Variants in CSPG4 observed in about 807,000 individuals in gnomAD.
CSPG4 encodes the protein chondroitin sulfate proteoglycan 4.
Under a neutral mutation model 139.3 loss-of-function variants are expected in CSPG4, and 74 were observed. That is an observed-to-expected ratio of 0.53 (90% CI 0.44 to 0.64). The LOEUF is 0.64. Among genes scored for constraint, CSPG4 ranks in the 30% least tolerant of loss-of-function variants. The pLI, the probability that CSPG4 is intolerant of heterozygous loss-of-function variation, is 0.00. For missense variants in CSPG4, 2,565 were observed against 3,148.3 expected, an observed-to-expected ratio of 0.81 and a Z score of 4.43; for synonymous variants, 1,234 against 1,394.2, an observed-to-expected ratio of 0.89 and a Z score of 2.56.
chr15:75,682,069 C>T (rs1893981124), intron 8 of CSPG4, among the ~76,000 whole-genome samples: 1 of 152,250 alleles, frequency 6.6e-6, no homozygotes, highest in Non-Finnish European at 1.5e-5. Flanking sequence ...GCCCTGTATC[C>T]CCGACTTTCT....
Position 75,682,921 on chromosome 15 carries a change from G to A in CSPG4, c.4570C>T (p.Arg1524Trp), listed in dbSNP as rs772158757. Reference protein sequence around the residue: ...EQPSNGRVVLRGAPGTEVRSF... With the variant: ...EQPSNGRVVLWGAPGTEVRSF... The stretch of plus-strand genomic sequence containing the variant: ...CGCACCTCAGTGCCCGGCGCCCCCC[G>A]CAGCACTACCCGCCCGTTGCTGGGC... Residue 1524 changes from arginine (R) to tryptophan (W), a missense_variant, in exon 6 of 10, where the codon CGG (arginine) becomes TGG (tryptophan). By Grantham distance (101) the Arg-to-Trp change is moderately radical. Coordinates refer to ENST00000308508, the MANE Select transcript of CSPG4 (RefSeq NM_001897.5). 8.7e-6 allele frequency: 14 copies of A among 1,610,934 alleles called. No individual in the cohort carries two copies. The highest frequency in any genetic ancestry group is 2.0e-4 in the Middle Eastern group (1 of 5,092).
chr15:75,704,194 C>G (rs1259316566), intron 1 of CSPG4, among the ~76,000 whole-genome samples: 1 of 150,048 alleles, frequency 6.7e-6, no homozygotes, highest in Non-Finnish European at 1.5e-5. Flanking sequence ...GTCCTGTTCC[C>G]AAGAGGCTCA....
At chr15:75,710,689 G>A (rs547389786) in intron 1 of CSPG4, among the ~76,000 whole-genome samples, 10 of 152,278 alleles carry the variant, frequency 6.6e-5, no homozygotes, top group East Asian at 3.9e-4. Flanking sequence ...ACGGGAGGAC[G>A]AGGGCCTTTG....
In CSPG4 at chr15:75,693,152, G is replaced by A. The variant is rs373154799; in HGVS notation, c.170C>T (p.Thr57Met). Residue 57 changes from threonine (T) to methionine (M), a missense_variant, in exon 2 of 10, where the codon ACG (threonine) becomes ATG (methionine). Around this residue, in one of 5 missense-constraint regions of CSPG4, gnomAD observed 30 missense variants for 60.1 expected, o/e 0.50. Coordinates refer to ENST00000308508, the MANE Select transcript of CSPG4 (RefSeq NM_001897.5). ...TDIDLQLQFSTSQPEALLLLA... is the reference protein window; with the variant it reads ...TDIDLQLQFSMSQPEALLLLA... The stretch of plus-strand genomic sequence containing the variant: ...GAGAAGGAGGGCTTCGGGCTGGGAC[G>A]TGGAGAACTGCAGCTGCAGGTCTAT... The A allele has an allele frequency of 8.7e-6, 14 of 1,603,690 alleles. No homozygotes were observed. The highest frequency in any genetic ancestry group is 8.0e-5 in the African/African-American group (6 of 74,810).
rs1894251814 is a variant in CSPG4, at chr15:75,698,177, T to C, written c.89-4944A>G. 6.6e-6 allele frequency among the ~76,000 whole-genome samples: 1 copy of C among 152,096 alleles called. No individual in the cohort carries two copies. Among genetic ancestry groups the C allele is most frequent in the Admixed American group, 6.5e-5 (1 of 15,288 alleles). ...CTTCTCCATCACCGCCCCTCGGGGT[T>C]TGGCACCACGGCGGGAGATCCTGGC... is the stretch of plus-strand genomic sequence containing the variant. On this transcript the variant is annotated intron_variant, in intron 1 of 9. Coordinates refer to ENST00000308508, the MANE Select transcript of CSPG4 (RefSeq NM_001897.5). This position sits in a 1 kb window ranked among gnomAD's most constrained non-coding sequence, Gnocchi z 4.3.
At chr15:75,706,096 G>A (rs1215211198) in intron 1 of CSPG4, among the ~76,000 whole-genome samples, 1 of 152,252 alleles carries the variant, frequency 6.6e-6, no homozygotes, top group Non-Finnish European at 1.5e-5. Context: ...GCACAGGGAA[G>A]GGGCAGGGAG....
At position 75,674,654 on chromosome 15, in the gene CSPG4, C is replaced by A; in HGVS notation, c.*896G>T. On this transcript the variant is annotated 3_prime_UTR_variant, in exon 10 of 10. Coordinates refer to ENST00000308508, the MANE Select transcript of CSPG4 (RefSeq NM_001897.5). ...GCCTCCAAAGCACTGTTTATCCAGG[C>A]TCCATGGAACCAAGTGCCCCCAGCT... 2.0e-5 allele frequency: 8 copies of A among 399,020 alleles called. No individual in the cohort carries two copies. 24.7% of individuals were successfully genotyped at this position (399,020 alleles called of 1,614,324 possible). A position where few individuals can be genotyped will look rare whatever the true frequency, so the allele number is the denominator to read the frequency against.
At chr15:75,712,605 C>A in intron 1 of CSPG4, 63 bp downstream of exon 1, 1 of 1,473,462 alleles carries the variant, frequency 6.8e-7, no homozygotes, top group Admixed American at 2.0e-5. Context: ...TGTCCCTTTT[C>A]CCTCCCGGAG....
chr15:75,685,484 A>C lies in CSPG4; in HGVS notation c.4007T>G (p.Val1336Gly). 1.2e-6 allele frequency: 2 copies of C among 1,611,900 alleles called. No homozygotes were observed. Among genetic ancestry groups the C allele is most frequent in the Non-Finnish European group, 1.7e-6 (2 of 1,179,832 alleles). Residue 1336 changes from valine to glycine, a missense_variant, in exon 4 of 10, where the codon GTG becomes GGG. Transcript: ENST00000308508. Reference protein sequence around the residue: ...EAWSDAFSLDVASGLGAPLEG... With the variant: ...EAWSDAFSLDGASGLGAPLEG... Reference sequence around the variant, plus strand: ...GAGGGGAGCACCCAGGCCTGAGGCCACATCCAGCGAGAAGGCATCGCTCCA... The same window carrying C: ...GAGGGGAGCACCCAGGCCTGAGGCCCCATCCAGCGAGAAGGCATCGCTCCA...
At chr15:75,702,226 T>G (rs1894313260) in intron 1 of CSPG4, among the ~76,000 whole-genome samples, 1 of 152,172 alleles carries the variant, frequency 6.6e-6, no homozygotes, top group South Asian at 2.1e-4. Context: ...CCAAGGACAC[T>G]CCACGCCTCC....
At chr15:75,701,795 G>A (rs550777181) in intron 1 of CSPG4, among the ~76,000 whole-genome samples, 1 of 152,268 alleles carries the variant, frequency 6.6e-6, no homozygotes, top group African/African-American at 2.4e-5. Context: ...AAAGCAAGGA[G>A]GACTCAGTGT....
In CSPG4 at chr15:75,690,493, C is replaced by T. The variant is rs1450889088; in HGVS notation, c.572G>A (p.Gly191Asp). 6.2e-7 allele frequency: 1 copy of T among 1,609,482 alleles called. No homozygotes were observed. Among genetic ancestry groups the T allele is most frequent in the Non-Finnish European group, 8.5e-7 (1 of 1,178,928 alleles). ...ACTGGCAGAAAACTCTTCAGCACAG[C>T]CCTCATGCACATCGGGGGTCAGAGG... ...LRPLTPDVHE[G>D]CAEEFSASDD... The change falls in exon 3 of 10, where the codon GGC (glycine) becomes GAC (aspartate). Residue 191 changes from glycine (G) to aspartate (D), a missense_variant. Gly to Asp is a moderately conservative substitution (Grantham distance 94, BLOSUM62 -1). Coordinates refer to ENST00000308508, the MANE Select transcript of CSPG4 (RefSeq NM_001897.5).
rs1894154764 is a variant in CSPG4 at position 75,690,746 on chromosome 15, A to G, written c.319T>C (p.Ser107Pro). Residue 107 changes from serine to proline, a missense_variant, in exon 3 of 10, where the codon TCC becomes CCC. Ser to Pro is a moderately conservative substitution (Grantham distance 74). This residue lies in a region of CSPG4 where 132 missense variants were observed against 132.3 expected (regional missense o/e 1.00). Coordinates refer to ENST00000308508, the MANE Select transcript of CSPG4 (RefSeq NM_001897.5). ...QTPAETLLSD[S>P]IPHTVVLTVV... ...GTCAGCACCACAGTGTGGGGGATGG[A>G]GTCACTCAGCAGCGTCTCTGCTGGA... 3 of 1,613,182 alleles carry G rather than the reference A, an allele frequency of 1.9e-6. No individual in the cohort carries two copies. Among genetic ancestry groups the G allele is most frequent in the Non-Finnish European group, 2.5e-6 (3 of 1,180,000 alleles).
intron 8 of CSPG4, among the ~76,000 whole-genome samples, chr15:75,681,083 A>T (rs11636221): frequency 2.0e-5 from 3 of 151,986 alleles, no homozygotes; most frequent in Non-Finnish European, 2.9e-5. Flanking sequence ...CCAGCAACTG[A>T]GGGTACGCAG....
rs201121364 is a variant in CSPG4, at chr15:75,688,192, G to A, written c.2873C>T (p.Thr958Ile). The A allele has an allele frequency of 1.2e-4, 190 of 1,612,832 alleles. No homozygotes were observed. Among genetic ancestry groups the A allele is most frequent in the South Asian group, 2.2e-5 (2 of 91,076 alleles). ...CAACAGGTCTTCATTGGTGAAGGAT[G>A]TCACCATAGTGGTCTTGTCCTGTGT... ...RGTQDKTTMV[T>I]SFTNEDLLRG... Residue 958 changes from threonine to isoleucine, a missense_variant, in exon 3 of 10, where the codon ACA becomes ATA. Thr to Ile is a moderately conservative substitution (Grantham distance 89). Coordinates refer to ENST00000308508, the MANE Select transcript of CSPG4 (RefSeq NM_001897.5).
At position 75,677,382 on chromosome 15, in the gene CSPG4, G is replaced by A; in HGVS notation, c.5137C>T (p.Leu1713Phe). The change falls in exon 10 of 10, where the codon CTC becomes TTC. Residue 1713 changes from leucine (L) to phenylalanine (F), a missense_variant and splice_region_variant. Leu to Phe is a conservative substitution (Grantham distance 22, BLOSUM62 0). This residue lies in a region of CSPG4 where 2,316 missense variants were observed against 2,818.2 expected (regional missense o/e 0.82). Transcript: ENST00000308508. ...GCCCGCTGGCCCTCGGGGACCCAGA[G>A]ACCTGGGGGTGGGACATAGGCTATG... The part of the protein sequence containing the change: ...RPSHLWKNKG[L>F]WVPEGQRARI... The A allele has an allele frequency of 1.4e-6, 2 of 1,397,272 alleles. No individual in the cohort carries two copies. Among genetic ancestry groups the A allele is most frequent in the Non-Finnish European group, 1.9e-6 (2 of 1,072,602 alleles). 86.6% of individuals were successfully genotyped at this position (1,397,272 alleles called of 1,614,324 possible).
Position 75,677,152 on chromosome 15 carries a change from G to A in CSPG4, c.5367C>T (p.Gly1789=), listed in dbSNP as rs150424346. ...LAAGQLVYAH[G]GGGTQQDGFH... ...AGCCATCCTGCTGGGTGCCCCCACCGCCGTGGGCATACACTAGCTGCCCTG... is the reference window on the plus strand; with the variant it reads ...AGCCATCCTGCTGGGTGCCCCCACCACCGTGGGCATACACTAGCTGCCCTG... The change falls in exon 10 of 10, where the codon GGC becomes GGT. Residue 1789 remains glycine (G), a synonymous_variant. Coordinates refer to ENST00000308508, the MANE Select transcript of CSPG4 (RefSeq NM_001897.5). 3,184 of 1,430,790 alleles carry A rather than the reference G, an allele frequency of 2.2e-3. 6 individuals are homozygous for A. Among genetic ancestry groups the A allele is most frequent in the South Asian group, 2.9e-3 (177 of 61,614 alleles). 88.6% of individuals were successfully genotyped at this position (1,430,790 alleles called of 1,614,324 possible).
intron 3 of CSPG4, among the ~76,000 whole-genome samples, chr15:75,686,971 G>A (rs1433473149): frequency 6.6e-6 from 1 of 152,000 alleles, no homozygotes; most frequent in Non-Finnish European, 1.5e-5. Flanking sequence ...GAGATTCTCG[G>A]GCTCCACGTC....
intron 8 of CSPG4, among the ~76,000 whole-genome samples, chr15:75,681,644 G>A (rs1893975058): frequency 6.6e-6 from 1 of 152,232 alleles, no homozygotes. Context: ...TGTCTTCAGC[G>A]AGTGGTGTTC....
Sources: allele counts gnomAD v4.1 joint callset (sites outside exome capture counted in the v4.1 genomes callset), GRCh38; gene constraint gnomAD v4.1.1; regional missense constraint gnomAD v4.1.1; non-coding constraint Gnocchi (gnomAD v3.1); transcripts MANE v1.5; gene names NCBI Gene and HGNC (gene_info 2026-07-23, HGNC 2026-07-21).